LUC7L: variants seen among roughly 807,000 people sequenced by gnomAD.
LUC7L encodes putative RNA-binding protein Luc7-like 1.
A neutral mutation model predicts 51.1 loss-of-function variants in LUC7L; 29 were observed. The ratio of observed to expected loss-of-function variants is 0.57; its 90% CI spans 0.42 to 0.77. The LOEUF (loss-of-function observed/expected upper bound fraction) is 0.77. Among genes scored for constraint, LUC7L ranks in the 30% least tolerant of loss-of-function variants. The pLI, the probability that LUC7L is intolerant of heterozygous loss-of-function variation, is 0.00. For missense variants in LUC7L, 403 were observed against 511.9 expected (o/e 0.79, Z 2.05); for synonymous variants, 181 against 180.7 (o/e 1.00, Z -0.01).
At chr16:203,806 G>C (rs1009133437) in intron 5 of LUC7L, among the ~76,000 whole-genome samples, 1 of 151,990 alleles carries the variant, frequency 6.6e-6, no homozygotes, top group Non-Finnish European at 1.5e-5. Flanking sequence ...CATGAGGTCA[G>C]GAGATAGAGG....
chr16:218,873 T>C (rs1427110620), intron 3 of LUC7L, among the ~76,000 whole-genome samples: 1 of 137,848 alleles, frequency 7.3e-6, no homozygotes, highest in East Asian at 2.2e-4. Context: ...GCAGGATCAC[T>C]TGAGGGCAGA....
chr16:189,924 G>A (rs2048964724), intron 9 of LUC7L, 44 bp downstream of exon 9: 1 of 1,576,226 alleles, frequency 6.3e-7, no homozygotes, highest in African/African-American at 1.3e-5. Flanking sequence ...CACAGAGAAG[G>A]GCTCACTCCT....
At chr16:190,393 A>G (rs749915651) in intron 8 of LUC7L, 148 bp downstream of exon 8, 9 of 880,688 alleles carry the variant, frequency 1.0e-5, no homozygotes, top group Non-Finnish European at 9.1e-6. Flanking sequence ...GGAACCCTCC[A>G]CGGCACCAAG....
rs1273651624 is a variant in LUC7L, at chr16:228,679, C to G, written c.61+600G>C. 8 of 1,181,528 alleles carry G rather than the reference C, an allele frequency of 6.8e-6. No homozygotes were observed. In the Admixed American group the frequency reaches 1.5e-4, roughly 22 times the overall value. 73.2% of individuals were successfully genotyped at this position (1,181,528 alleles called of 1,614,324 possible). A position where few individuals can be genotyped will look rare whatever the true frequency, so the allele number is the denominator to read the frequency against. On this transcript the variant is annotated intron_variant, in intron 1 of 9. Coordinates refer to ENST00000293872, the MANE Select transcript of LUC7L (RefSeq NM_201412.3). ...TGACAACCATCATGATCTTGAGCTCCTCCCTACACAGTACAACCTACCTAA... is the reference window on the plus strand; with the variant it reads ...TGACAACCATCATGATCTTGAGCTCGTCCCTACACAGTACAACCTACCTAA...
intron 3 of LUC7L, among the ~76,000 whole-genome samples, chr16:217,671 C>A (rs2049843029): frequency 6.7e-6 from 1 of 149,102 alleles, no homozygotes; most frequent in Non-Finnish European, 1.5e-5. Flanking sequence ...CACACCACTG[C>A]ACTACAGCCT....
Position 189,161 on chromosome 16 carries a change from C to A in LUC7L, c.*37G>T. On this transcript the variant is annotated 3_prime_UTR_variant, in exon 10 of 10. Coordinates refer to ENST00000293872, the MANE Select transcript of LUC7L (RefSeq NM_201412.3). The stretch of plus-strand genomic sequence containing the variant: ...AAAGGGTAATTTTAGACTGTGTGAA[C>A]GTTTATCAGACTATTTACAGCACCC... The A allele has an allele frequency of 6.3e-7, 1 of 1,578,604 alleles. No individual in the cohort carries two copies. Among genetic ancestry groups the A allele is most frequent in the Non-Finnish European group, 8.7e-7 (1 of 1,155,490 alleles).
intron 5 of LUC7L, among the ~76,000 whole-genome samples, chr16:202,480 T>C (rs11642609): frequency 0.39 from 59,170 of 152,006 alleles, 12,537 homozygotes; most frequent in Non-Finnish European, 0.48. Flanking sequence ...GTATTTTTAC[T>C]GTACCTTTTC....
At chr16:195,012 C>A (rs1465990189) in intron 6 of LUC7L, among the ~76,000 whole-genome samples, 2 of 152,150 alleles carry the variant, frequency 1.3e-5, no homozygotes, top group Non-Finnish European at 2.9e-5. Flanking sequence ...ACGCTCCCCA[C>A]AAGGGCACGG....
intron 1 of LUC7L, chr16:228,691 T>C (rs1220389588): frequency 9.1e-6 from 11 of 1,204,556 alleles, no homozygotes; most frequent in Admixed American, 3.3e-5. Context: ...CCCTACACAG[T>C]ACAACCTACC....
chr16:208,047 C>T (rs767681521), intron 4 of LUC7L, 31 bp downstream of exon 4: 39 of 1,474,020 alleles, frequency 2.6e-5, no homozygotes, highest in Non-Finnish European at 3.5e-5. Flanking sequence ...TTTTTAAGAA[C>T]ACACCAGACA....
At chr16:221,478 G>A (rs1222518013) in intron 2 of LUC7L, among the ~76,000 whole-genome samples, 3 of 151,998 alleles carry the variant, frequency 2.0e-5, no homozygotes, top group African/African-American at 7.2e-5. Context: ...GAGGCAGGCG[G>A]ATCACTTGAG....
At chr16:190,352 C>T (rs183971445) in intron 8 of LUC7L, among the ~76,000 whole-genome samples, 189 bp downstream of exon 8, 118 of 152,238 alleles carry the variant, frequency 7.8e-4, no homozygotes, top group Admixed American at 2.6e-3. Context: ...TGTCACCCTG[C>T]AGGCCCCGAC....
At chr16:215,500 A>G (rs375313642) in intron 3 of LUC7L, among the ~76,000 whole-genome samples, 2 of 152,086 alleles carry the variant, frequency 1.3e-5, no homozygotes, top group African/African-American at 2.4e-5. Flanking sequence ...CGTGCCTGCA[A>G]TCCCAGCTAC....
At chr16:220,443 C>T in intron 3 of LUC7L, 1 of 490,196 alleles carries the variant, frequency 2.0e-6, no homozygotes, top group Middle Eastern at 5.2e-4. Flanking sequence ...AATGAGATAA[C>T]ACATATTATC....
chr16:207,549 T>A (rs11639642), intron 4 of LUC7L, among the ~76,000 whole-genome samples: 2 of 151,968 alleles, frequency 1.3e-5, no homozygotes, highest in Non-Finnish European at 2.9e-5. Flanking sequence ...AAAATAATGA[T>A]AAACCATGTA....
chr16:205,065 T>C (rs1490668236), intron 5 of LUC7L, among the ~76,000 whole-genome samples: 1 of 152,218 alleles, frequency 6.6e-6, no homozygotes, highest in Non-Finnish European at 1.5e-5. Flanking sequence ...AGTAGTACAG[T>C]ACCTATTACA....
intron 9 of LUC7L, 171 bp from the exon 10 acceptor site, chr16:189,510 A>G (rs113252452): frequency 7.8e-6 from 11 of 1,402,276 alleles, no homozygotes; most frequent in African/African-American, 1.4e-5. Context: ...AGTGTTAGAT[A>G]GCCATTAAAA....
chr16:227,587 G>A, intron 1 of LUC7L: 1 of 1,311,406 alleles, frequency 7.6e-7, no homozygotes, highest in Non-Finnish European at 9.8e-7. Context: ...AAGTCAAGGA[G>A]TCAGACGTAA....
Position 229,441 on chromosome 16 carries a change from C to T in LUC7L, c.-102G>A, listed in dbSNP as rs575278592. 2.8e-6 allele frequency: 3 copies of T among 1,054,998 alleles called. No individual in the cohort carries two copies. Among genetic ancestry groups the T allele is most frequent in the South Asian group, 1.9e-5 (1 of 52,524 alleles). The allele number at this position is 1,054,998 out of a possible 1,614,324, so 65.4% of individuals were successfully genotyped here. A position where few individuals can be genotyped will look rare whatever the true frequency, so the allele number is the denominator to read the frequency against. On this transcript the variant is annotated 5_prime_UTR_variant, in exon 1 of 10. Transcript: ENST00000293872. ...TGGTCGCGTCGGCCTCGAGCCCACT[C>T]GGCTCTTTCCCGCCGCGGGGGACGC...
Sources: gnomAD v4.1 joint callset for allele counts (sites outside exome capture counted in the v4.1 genomes callset) on GRCh38, gnomAD v4.1.1 for gene constraint, MANE v1.5 for transcripts, NCBI Gene and HGNC (gene_info 2026-07-23, HGNC 2026-07-21) for gene names.